BDP1: variants seen among roughly 807,000 people sequenced by gnomAD.
BDP1 encodes the protein transcription factor TFIIIB component B'' homolog.
BDP1 carries 169 observed loss-of-function variants against 266.6 expected under a neutral mutation model. That is an observed-to-expected ratio of 0.63 (90% CI 0.56 to 0.72). BDP1 has a LOEUF of 0.72. Among genes scored for constraint, BDP1 ranks in the 30% least tolerant of loss-of-function variants. The pLI, the probability that BDP1 is intolerant of heterozygous loss-of-function variation, is 0.00. For synonymous variants in BDP1, 1,090 were observed against 1,022.4 expected (o/e 1.07, Z -1.26); for missense variants, 3,015 against 3,053.8 (o/e 0.99, Z 0.30).
intron 36 of BDP1, among the ~76,000 whole-genome samples, chr5:71,559,463 A>G (rs1455828660): frequency 6.6e-6 from 1 of 152,236 alleles, no homozygotes; most frequent in Non-Finnish European, 1.5e-5. Flanking sequence ...TACTAAGGGA[A>G]AACAGGTTTT....
chr5:71,459,638 G>A (rs1391346673), intron 2 of BDP1, among the ~76,000 whole-genome samples: 7 of 152,178 alleles, frequency 4.6e-5, no homozygotes, highest in Admixed American at 6.5e-5. Flanking sequence ...TAATCTTGAG[G>A]ATTGATTTCT....
intron 17 of BDP1, 176 bp downstream of exon 17, chr5:71,511,327 T>C (rs1476223428): frequency 4.6e-6 from 3 of 649,288 alleles, no homozygotes; most frequent in Non-Finnish European, 5.1e-6. Flanking sequence ...GTATGTTCTT[T>C]TTTAAAAAGA....
downstream of BDP1, among the ~76,000 whole-genome samples, chr5:71,570,421 A>G (rs1744228994): frequency 6.6e-6 from 1 of 152,132 alleles, no homozygotes; most frequent in African/African-American, 2.4e-5. Context: ...TGGGTCTATA[A>G]CCTGATTTAT....
chr5:71,485,198 C>T (rs1763193582), intron 8 of BDP1, among the ~76,000 whole-genome samples: 1 of 152,126 alleles, frequency 6.6e-6, no homozygotes, highest in African/African-American at 2.4e-5. Context: ...ATAGGCCCAG[C>T]TACTCTCAGG....
Position 71,497,416 on chromosome 5 carries a change from C to T in BDP1, c.1946C>T (p.Ser649Leu). 6.2e-7 allele frequency: 1 copy of T among 1,612,434 alleles called. No individual in the cohort carries two copies. The highest frequency in any genetic ancestry group is 1.3e-5 in the African/African-American group (1 of 74,964). ...SESKNSHSKT[S>L]VEKNHVEKDK... is the part of the protein sequence containing the mutation. Reference sequence around the variant, plus strand: ...AGCAAGAATTCACATTCAAAAACTTCAGTTGAAAAGGTATGGGGTAAGAGA... The same window carrying T: ...AGCAAGAATTCACATTCAAAAACTTTAGTTGAAAAGGTATGGGGTAAGAGA... Residue 649 changes from serine (S) to leucine (L), a missense_variant, in exon 13 of 39, where the codon TCA becomes TTA. By Grantham distance (145) the Ser-to-Leu change is moderately radical. Transcript: ENST00000358731.
intron 25 of BDP1, among the ~76,000 whole-genome samples, chr5:71,529,369 G>A (rs547294547): frequency 2.0e-5 from 3 of 150,510 alleles, no homozygotes; most frequent in Admixed American, 6.6e-5. Flanking sequence ...CAGCCTGGGC[G>A]AAAGAGCGAA....
At chr5:71,474,298 C>T (rs1251107905) in intron 7 of BDP1, among the ~76,000 whole-genome samples, 1 of 150,750 alleles carries the variant, frequency 6.6e-6, no homozygotes. Flanking sequence ...TCCTTTTAAG[C>T]ATCACTAGAG....
intron 33 of BDP1, 138 bp from the exon 34 acceptor site, chr5:71,549,282 T>G: frequency 1.4e-5 from 10 of 690,292 alleles, no homozygotes; most frequent in South Asian, 2.3e-5. Flanking sequence ...GGCTGGGGGG[T>G]TGTTGGGGGG....
chr5:71,572,476 G>A (rs1326911967), downstream of BDP1, among the ~76,000 whole-genome samples: 1 of 152,212 alleles, frequency 6.6e-6, no homozygotes, highest in Non-Finnish European at 1.5e-5. Context: ...ACCCCGGGAT[G>A]AGTCTGCTGG....
rs369512688 is a variant in BDP1 at position 71,504,705 on chromosome 5, C to G, written c.2326C>G (p.Gln776Glu). Residue 776 changes from glutamine (Q) to glutamate (E), a missense_variant, in exon 16 of 39, where the codon CAA (glutamine) becomes GAA (glutamate). This residue lies in a region of BDP1 where 2,383 missense variants were observed against 2,404.9 expected (regional missense o/e 0.99). Coordinates refer to ENST00000358731, the MANE Select transcript of BDP1 (RefSeq NM_018429.3). ...ACAGCCTGAGAAAAATGATTCTTTT[C>G]AAAATGTGCAGCCAGATGAGCCCAA... is the stretch of plus-strand genomic sequence containing the variant. ...ILQPEKNDSF[Q>E]NVQPDEPKVL... The G allele has an allele frequency of 4.3e-6, 7 of 1,613,592 alleles. No homozygotes were observed. The African/African-American group carries it at 9.3e-5, about 22-fold the overall frequency.
chr5:71,462,709 A>G (rs777305279), intron 3 of BDP1, among the ~76,000 whole-genome samples: 2 of 152,166 alleles, frequency 1.3e-5, no homozygotes, highest in Non-Finnish European at 2.9e-5. Context: ...AACCATGTTC[A>G]TGCCACTGCA....
At chr5:71,458,227 A>C (rs1761316419) in intron 1 of BDP1, among the ~76,000 whole-genome samples, 1 of 152,086 alleles carries the variant, frequency 6.6e-6, no homozygotes, top group South Asian at 2.1e-4. Flanking sequence ...TATAGAAATT[A>C]ATTATAAATT....
At position 71,495,249 on chromosome 5, in the gene BDP1, G is replaced by T; in HGVS notation, c.1641-1G>T. 1.3e-6 allele frequency: 2 copies of T among 1,519,404 alleles called. No individual in the cohort carries two copies. Among genetic ancestry groups the T allele is most frequent in the Admixed American group, 2.1e-5 (1 of 48,724 alleles). The allele number at this position is 1,519,404 out of a possible 1,614,324, so 94.1% of individuals were successfully genotyped here. Reference sequence around the variant, plus strand: ...TCTCTGAAATATTTTCTTTTTTTTAGTAATCAACAAGATGCCACATCAGTA... The same window carrying T: ...TCTCTGAAATATTTTCTTTTTTTTATTAATCAACAAGATGCCACATCAGTA... On this transcript the variant is annotated splice_acceptor_variant, in intron 11 of 38. Transcript: ENST00000358731. LOFTEE classifies it high-confidence loss of function.
At position 71,491,257 on chromosome 5, in the gene BDP1, A is replaced by G. The variant is rs1763573686; in HGVS notation, c.1640+126A>G. Reference sequence around the variant, plus strand: ...TTTCAGTTCTATTTGTTTTTGCTCCATATATTTTGAAGCTCTGTTGTTAGG... The same window carrying G: ...TTTCAGTTCTATTTGTTTTTGCTCCGTATATTTTGAAGCTCTGTTGTTAGG... On this transcript the variant is annotated intron_variant, in intron 11 of 38. Coordinates refer to ENST00000358731, the MANE Select transcript of BDP1 (RefSeq NM_018429.3). 5 of 868,140 alleles carry G rather than the reference A, an allele frequency of 5.8e-6. No individual in the cohort carries two copies. In the South Asian group the frequency reaches 5.8e-5, roughly 10 times the overall value. The allele number at this position is 868,140 out of a possible 1,614,324, so 53.8% of individuals were successfully genotyped here.
Position 71,516,122 on chromosome 5 carries a change from C to T in BDP1, c.4711C>T (p.Gln1571Ter). 6.2e-7 allele frequency: 1 copy of T among 1,612,358 alleles called. No homozygotes were observed. The highest frequency in any genetic ancestry group is 8.5e-7 in the Non-Finnish European group (1 of 1,179,138). The change falls in exon 21 of 39, where the codon CAA (glutamine) becomes TAA (stop). Residue 1571 changes from glutamine (Q) to a stop codon, truncating the protein, a stop_gained. Transcript: ENST00000358731. LOFTEE classifies it high-confidence loss of function. Reference protein sequence around the residue: ...MKESVIQTARQVRGRLQRPRP... With the variant: ...MKESVIQTAR ...GGAAAGTGTTATCCAAACTGCTCGACAAGTAAGGGGCCGACTTCAGAGACC... is the reference window on the plus strand; with the variant it reads ...GGAAAGTGTTATCCAAACTGCTCGATAAGTAAGGGGCCGACTTCAGAGACC...
chr5:71,458,988 C>A, intron 2 of BDP1, 133 bp downstream of exon 2: 1 of 782,784 alleles, frequency 1.3e-6, no homozygotes, highest in Non-Finnish European at 2.0e-6. Flanking sequence ...ATAGAACATC[C>A]CTTCTTGTTA....
intron 2 of BDP1, among the ~76,000 whole-genome samples, chr5:71,459,280 G>C (rs1198279682): frequency 1.3e-5 from 2 of 151,594 alleles, no homozygotes. Flanking sequence ...GGGAGGACTA[G>C]GGGGGCAGAT....
At chr5:71,512,134 A>G (rs544380044) in intron 17 of BDP1, 107 bp from the exon 18 acceptor site, 7 of 551,794 alleles carry the variant, frequency 1.3e-5, no homozygotes, top group Admixed American at 1.0e-4. Flanking sequence ...AAAAACTTCT[A>G]AAGTTTTAAA....
chr5:71,465,282 A>G (rs1761835909), intron 4 of BDP1, among the ~76,000 whole-genome samples: 1 of 151,772 alleles, frequency 6.6e-6, no homozygotes, highest in Non-Finnish European at 1.5e-5. Flanking sequence ...CATTATTATT[A>G]TTATTATTAT....
Sources: allele counts gnomAD v4.1 joint callset (sites outside exome capture counted in the v4.1 genomes callset), GRCh38; gene constraint gnomAD v4.1.1; regional missense constraint gnomAD v4.1.1; transcripts MANE v1.5; gene names NCBI Gene and HGNC (gene_info 2026-07-23, HGNC 2026-07-21).